The following MED27 variants were observed in gnomAD, a reference collection of about 807,000 sequenced individuals.
MED27 encodes the protein mediator of RNA polymerase II transcription subunit 27.
Under a neutral mutation model 38.2 loss-of-function variants are expected in MED27, and 30 were observed. The ratio of observed to expected loss-of-function variants is 0.79; its 90% CI spans 0.59 to 1.07. MED27 has a LOEUF of 1.07. Ranked by LOEUF, MED27 falls within the 50% of genes least tolerant of loss-of-function variation. MED27 has a pLI of 0.00. For missense variants in MED27, 289 were observed against 397.5 expected, an observed-to-expected ratio of 0.73 and a Z score of 2.32; for synonymous variants, 122 against 153.5, an observed-to-expected ratio of 0.79 and a Z score of 1.52.
At chr9:132,007,959 G>C (rs1208022144) in intron 3 of MED27, among the ~76,000 whole-genome samples, 1 of 152,042 alleles carries the variant, frequency 6.6e-6, no homozygotes, top group Non-Finnish European at 1.5e-5. Flanking sequence ...AACTTCCAGG[G>C]CATGGAGGTA....
intron 2 of MED27, among the ~76,000 whole-genome samples, chr9:132,019,641 G>C (rs938488670): frequency 4.6e-5 from 7 of 152,204 alleles, no homozygotes; most frequent in Non-Finnish European, 8.8e-5. Flanking sequence ...TCACATGAGA[G>C]GAGATGCCAG....
rs569617771 is a variant in MED27, at chr9:131,996,950, A to T, written c.479+17387T>A. The stretch of plus-strand genomic sequence containing the variant: ...CAACCTACAAAATATGTGTTAATCA[A>T]CTATGCCATTGGTAAGGCTATTAGT... On this transcript the variant is annotated intron_variant, in intron 3 of 7. Coordinates refer to ENST00000292035, the MANE Select transcript of MED27 (RefSeq NM_004269.4). 2.0e-5 allele frequency among the ~76,000 whole-genome samples: 3 copies of T among 152,340 alleles called. No homozygotes were observed. The East Asian group carries it at 5.8e-4, about 29-fold the overall frequency.
chr9:132,029,222 A>G (rs1832895461), intron 2 of MED27, among the ~76,000 whole-genome samples: 1 of 152,188 alleles, frequency 6.6e-6, no homozygotes, highest in Non-Finnish European at 1.5e-5. Context: ...GAATTCTGAA[A>G]CCCTACTCTA....
chr9:131,913,325 C>G lies in MED27; in HGVS notation c.574-19333G>C, dbSNP rs1477558751. ...TCATGGATCTCACTTCAAATCCCAG[C>G]TGTACCACTTAATGTGACCTTGAAC... On this transcript the variant is annotated intron_variant, in intron 4 of 7. Coordinates refer to ENST00000292035, the MANE Select transcript of MED27 (RefSeq NM_004269.4). This position sits in a 1 kb window ranked among gnomAD's most constrained non-coding sequence, Gnocchi z 4.5. Among the ~76,000 whole-genome samples the G allele has an allele frequency of 6.6e-6, 1 of 152,188 alleles. No homozygotes were observed. Among genetic ancestry groups the G allele is most frequent in the Admixed American group, 6.5e-5 (1 of 15,274 alleles).
intron 3 of MED27, among the ~76,000 whole-genome samples, chr9:131,995,005 C>A (rs1370141869): frequency 6.6e-6 from 1 of 152,014 alleles, no homozygotes; most frequent in East Asian, 1.9e-4. Context: ...GAAAAGCCTC[C>A]CAAGAAGTAG....
rs1294615753 is a variant in MED27 at position 131,913,390 on chromosome 9, A to G, written c.574-19398T>C. Among the ~76,000 whole-genome samples the G allele has an allele frequency of 6.6e-6, 1 of 152,242 alleles. No homozygotes were observed. On this transcript the variant is annotated intron_variant, in intron 4 of 7. Coordinates refer to ENST00000292035, the MANE Select transcript of MED27 (RefSeq NM_004269.4). This position sits in a 1 kb window ranked among gnomAD's most constrained non-coding sequence, Gnocchi z 4.5. ...TCTGAGTCTCAGTGTTCTCATCTAT[A>G]AAACAGTGATAACATCTTCGGCTGA...
chr9:132,022,070 A>G (rs1237673082), intron 2 of MED27, among the ~76,000 whole-genome samples: 5 of 152,236 alleles, frequency 3.3e-5, no homozygotes, highest in Admixed American at 6.5e-5. Context: ...AATAGGATCA[A>G]TGCAAAATTT....
At chr9:132,008,353 T>C (rs906612353) in intron 3 of MED27, among the ~76,000 whole-genome samples, 5 of 152,218 alleles carry the variant, frequency 3.3e-5, no homozygotes, top group African/African-American at 7.2e-5. Flanking sequence ...AGCCCAACAA[T>C]GTTTGCACAG....
chr9:132,067,435 A>G (rs373213259), intron 2 of MED27, among the ~76,000 whole-genome samples: 1 of 152,238 alleles, frequency 6.6e-6, no homozygotes, highest in Non-Finnish European at 1.5e-5. Context: ...TGAATGACTA[A>G]GAGTTTTCCA....
intron 2 of MED27, chr9:132,073,676 G>C: frequency 6.6e-7 from 1 of 1,515,400 alleles, no homozygotes; most frequent in East Asian, 2.5e-5. Context: ...CAGTTCAGGA[G>C]GGCAGGAGGG....
At chr9:131,983,889 T>G (rs1437248562) in intron 3 of MED27, among the ~76,000 whole-genome samples, 1 of 152,196 alleles carries the variant, frequency 6.6e-6, no homozygotes, top group Non-Finnish European at 1.5e-5. Context: ...AAACCAGCCA[T>G]GATAGTAGCT....
chr9:131,915,313 T>C (rs1830268879), intron 4 of MED27, among the ~76,000 whole-genome samples: 1 of 152,168 alleles, frequency 6.6e-6, no homozygotes, highest in Non-Finnish European at 1.5e-5. Context: ...AAGCATCTAC[T>C]CCAAAATTCC....
At position 131,982,969 on chromosome 9, in the gene MED27, T is replaced by C. The variant is rs1589248862; in HGVS notation, c.479+31368A>G. On this transcript the variant is annotated intron_variant, in intron 3 of 7. Transcript: ENST00000292035. This position sits in a 1 kb window ranked among gnomAD's most constrained non-coding sequence, Gnocchi z 4.3. ...GATATTCACCACCTGAGGATTTTGT[T>C]AAAATGTAGATTCGCATTCAGGAGG... Among the ~76,000 whole-genome samples the C allele has an allele frequency of 6.6e-6, 1 of 152,224 alleles. No homozygotes were observed.
intron 5 of MED27, 41 bp from the exon 6 acceptor site, chr9:131,884,140 G>C (rs1295997495): frequency 1.3e-6 from 2 of 1,530,884 alleles, no homozygotes; most frequent in East Asian, 4.6e-5. Flanking sequence ...ATCGGTCTTA[G>C]AATTCGGGAC....
intron 2 of MED27, among the ~76,000 whole-genome samples, chr9:132,023,881 G>A (rs1219686692): frequency 6.6e-6 from 1 of 152,230 alleles, no homozygotes; most frequent in Admixed American, 6.5e-5. Context: ...GGAAATAGGA[G>A]AGAGCTCTTA....
At chr9:131,939,850 CT>C (rs1307748585) in intron 3 of MED27, among the ~76,000 whole-genome samples, 1 of 151,780 alleles carries the variant, frequency 6.6e-6, no homozygotes, top group Non-Finnish European at 1.5e-5. Flanking sequence ...TCTAATCTGG[CT>C]TCTCCTTTGA....
chr9:131,979,923 A>C (rs1041779382), intron 3 of MED27, among the ~76,000 whole-genome samples: 3 of 152,182 alleles, frequency 2.0e-5, no homozygotes, highest in Non-Finnish European at 4.4e-5. Context: ...GTTTGCCTAA[A>C]TTAACATTTT....
intron 6 of MED27, among the ~76,000 whole-genome samples, chr9:131,869,623 C>T (rs1589170264): frequency 1.3e-5 from 2 of 152,072 alleles, no homozygotes; most frequent in East Asian, 3.9e-4. Context: ...GGGATGCAAG[C>T]CCAAGGAAAG....
intron 4 of MED27, among the ~76,000 whole-genome samples, chr9:131,894,782 C>T (rs991950289): frequency 1.3e-5 from 2 of 151,968 alleles, no homozygotes; most frequent in Non-Finnish European, 2.9e-5. Context: ...CATCAAAACT[C>T]AGCTTGAAAT....
Sources: allele counts gnomAD v4.1 joint callset (sites outside exome capture counted in the v4.1 genomes callset), GRCh38; gene constraint gnomAD v4.1.1; non-coding constraint Gnocchi (gnomAD v3.1); transcripts MANE v1.5; gene names NCBI Gene and HGNC (gene_info 2026-07-23, HGNC 2026-07-21).